Variants in GCLC observed in about 807,000 individuals in gnomAD.
The protein encoded by GCLC is glutamate--cysteine ligase catalytic subunit.
In GCLC, 30 loss-of-function variants were observed where a neutral mutation model predicts 81.5. The observed-to-expected ratio is 0.37, with a 90% CI of 0.28 to 0.50. The LOEUF (loss-of-function observed/expected upper bound fraction) is 0.50. Ranked by LOEUF, GCLC falls within the 20% of genes least tolerant of loss-of-function variation. GCLC has a pLI of 0.96. For missense variants in GCLC, 556 were observed against 777.4 expected, an observed-to-expected ratio of 0.72 and a Z score of 3.39; for synonymous variants, 262 against 273.3, an observed-to-expected ratio of 0.96 and a Z score of 0.41.
intron 1 of GCLC, among the ~76,000 whole-genome samples, chr6:53,541,887 G>A (rs377398042): frequency 1.3e-5 from 2 of 151,980 alleles, no homozygotes. Flanking sequence ...TTTGGGGTAG[G>A]GGGCTAGGGT....
intron 6 of GCLC, chr6:53,513,498 C>T (rs1041306225): frequency 1.3e-5 from 2 of 152,180 alleles, no homozygotes; most frequent in African/African-American, 4.8e-5. Flanking sequence ...GATGAAAAAT[C>T]TGAGCCAAAA....
intron 2 of GCLC, among the ~76,000 whole-genome samples, chr6:53,521,280 G>T (rs947921326): frequency 6.6e-6 from 1 of 152,078 alleles, no homozygotes; most frequent in East Asian, 1.9e-4. Context: ...TCAGCCTCCT[G>T]TGTAGCTGGG....
At chr6:53,528,683 T>C (rs1763124080) in intron 1 of GCLC, among the ~76,000 whole-genome samples, 1 of 152,216 alleles carries the variant, frequency 6.6e-6, no homozygotes, top group African/African-American at 2.4e-5. Flanking sequence ...TTTACACTTT[T>C]AGAAATTAAA....
chr6:53,500,958 C>T (rs1177149937), intron 12 of GCLC: 2 of 286,424 alleles, frequency 7.0e-6, no homozygotes, highest in Non-Finnish European at 1.3e-5. Flanking sequence ...CTCTGTTGCC[C>T]AGGTTGGAGT....
At position 53,544,998 on chromosome 6, in the gene GCLC, C is replaced by T. The variant is rs1763428296; in HGVS notation, c.-353G>A. On this transcript the variant is annotated 5_prime_UTR_variant, in exon 1 of 16. Coordinates refer to ENST00000650454, the MANE Select transcript of GCLC (RefSeq NM_001498.4). ...GGCCGCGCTGCCGCGGCGGCTCCCG[C>T]TTCTCTTTGCCGGTCTGGTGCACTG... 1.1e-5 allele frequency: 2 copies of T among 181,148 alleles called. No homozygotes were observed. The highest frequency in any genetic ancestry group is 2.3e-5 in the Non-Finnish European group (2 of 87,678). 11.2% of individuals were successfully genotyped at this position (181,148 alleles called of 1,614,324 possible).
intron 1 of GCLC, among the ~76,000 whole-genome samples, chr6:53,522,939 T>C (rs1763022967): frequency 6.6e-6 from 1 of 152,252 alleles, no homozygotes; most frequent in Admixed American, 6.5e-5. Flanking sequence ...CCAGTCAAGG[T>C]AGATTACACT....
rs1561936954 is a variant in GCLC, at chr6:53,500,185, T to C, written c.1582-20A>G. 6.2e-7 allele frequency: 1 copy of C among 1,613,888 alleles called. No individual in the cohort carries two copies. Among genetic ancestry groups the C allele is most frequent in the Non-Finnish European group, 8.5e-7 (1 of 1,179,884 alleles). ...ACCTTCCTACAAGAAGCAGGACACT[T>C]TATGAACTCCCTGCCGGGGGATGTG... On this transcript the variant is annotated intron_variant, in intron 14 of 15. Transcript: ENST00000650454.
chr6:53,512,615 C>T (rs921662235), intron 6 of GCLC, among the ~76,000 whole-genome samples: 3 of 151,684 alleles, frequency 2.0e-5, no homozygotes, highest in Non-Finnish European at 4.4e-5. Flanking sequence ...TCTGAGCTAA[C>T]GATTTTTTTT....
At chr6:53,523,307 G>A (rs866441556) in intron 1 of GCLC, 45 of 152,222 alleles carry the variant, frequency 3.0e-4, no homozygotes, top group African/African-American at 9.6e-4. Context: ...GGCGTGAGCA[G>A]TGAAGATTAT....
chr6:53,539,570 C>A (rs1421703753), intron 1 of GCLC, among the ~76,000 whole-genome samples: 1 of 152,070 alleles, frequency 6.6e-6, no homozygotes, highest in Non-Finnish European at 1.5e-5. Context: ...GGCAGCCTCT[C>A]CTTCCAACCA....
rs1763014965 is a variant in GCLC at position 53,522,434 on chromosome 6, C to T, written c.244G>A (p.Gly82Arg). 6.2e-7 allele frequency: 1 copy of T among 1,605,776 alleles called. No individual in the cohort carries two copies. Among genetic ancestry groups the T allele is most frequent in the Non-Finnish European group, 8.5e-7 (1 of 1,172,308 alleles). The change falls in exon 2 of 16, where the codon GGG (glycine) becomes AGG (arginine). Residue 82 changes from glycine (G) to arginine (R), a missense_variant. Gly to Arg is a moderately radical substitution (Grantham distance 125). This residue lies in a region of GCLC where 234 missense variants were observed against 303.8 expected (regional missense o/e 0.77). Transcript: ENST00000650454. Reference protein sequence around the residue: ...EKVLETLQEKGERTNPNHPTL... With the variant: ...EKVLETLQEKRERTNPNHPTL... ...GCTTACTTTGGGTTTGTCCTTTCCC[C>T]CTTCTCTTGCAGAGTTTCAAGAACT...
chr6:53,499,159 G>A (rs1451834016), intron 15 of GCLC, among the ~76,000 whole-genome samples, 192 bp from the exon 16 acceptor site: 1 of 152,136 alleles, frequency 6.6e-6, no homozygotes, highest in Non-Finnish European at 1.5e-5. Context: ...GGAATTCTAG[G>A]TTGCAGGCAG....
At chr6:53,542,256 T>C (rs760502366) in intron 1 of GCLC, among the ~76,000 whole-genome samples, 5 of 152,198 alleles carry the variant, frequency 3.3e-5, no homozygotes, top group Non-Finnish European at 5.9e-5. Flanking sequence ...GGGTCCAATT[T>C]TCTCTCCTTT....
rs1241304035 is a variant in GCLC, at chr6:53,498,221, CATCATAGAT to C, written c.*526_*534del. On this transcript the variant is annotated 3_prime_UTR_variant, in exon 16 of 16. Transcript: ENST00000650454. ...GTGATTATTCCAATTGCAAAAGAAA[CATCATAGAT>C]AAGGTGCTAGAAACCCAAGATTACC... is the stretch of plus-strand genomic sequence containing the variant. 1.6e-4 allele frequency: 25 copies of C among 154,624 alleles called. No individual in the cohort carries two copies. The highest frequency in any genetic ancestry group is 5.1e-4 in the Admixed American group (8 of 15,568). 9.6% of individuals were successfully genotyped at this position (154,624 alleles called of 1,614,324 possible). A position where few individuals can be genotyped will look rare whatever the true frequency, so the allele number is the denominator to read the frequency against.
rs535848119 is a variant in GCLC, at chr6:53,519,502, C to T, written c.446+1276G>A. Among the ~76,000 whole-genome samples the T allele has an allele frequency of 1.3e-3, 199 of 151,932 alleles. 1 individual carries two copies. Among genetic ancestry groups the T allele is most frequent in the African/African-American group, 4.3e-3 (179 of 41,406 alleles). On this transcript the variant is annotated intron_variant, in intron 3 of 15. Transcript: ENST00000650454. ...ATCTCCTCCTGCTAGCACAGCCCCA[C>T]TTTGACGCTTATGAATCTATGGGTA...
intron 12 of GCLC, among the ~76,000 whole-genome samples, chr6:53,504,648 G>A (rs1439200158): frequency 6.6e-6 from 1 of 152,094 alleles, no homozygotes; most frequent in Non-Finnish European, 1.5e-5. Flanking sequence ...CAGGGGGTGT[G>A]GGGATGAGCA....
chr6:53,537,214 C>T (rs905033035), intron 1 of GCLC, among the ~76,000 whole-genome samples: 1 of 152,172 alleles, frequency 6.6e-6, no homozygotes, highest in Non-Finnish European at 1.5e-5. Flanking sequence ...AAGTGCTCTC[C>T]CCCTCTCTCT....
At chr6:53,541,157 C>T (rs138867669) in intron 1 of GCLC, among the ~76,000 whole-genome samples, 15 of 152,036 alleles carry the variant, frequency 9.9e-5, no homozygotes, top group South Asian at 2.1e-4. Context: ...GCGGAGGTTG[C>T]GGTGAGCCGA....
chr6:53,520,140 T>C lies in GCLC; in HGVS notation c.446+638A>G, dbSNP rs117204772. Among the ~76,000 whole-genome samples the C allele has an allele frequency of 7.9e-5, 12 of 152,324 alleles. No individual in the cohort carries two copies. The East Asian group carries it at 2.3e-3, about 29-fold the overall frequency. Reference sequence around the variant, plus strand: ...GTTCTATGTATAATACATATGATATTCATGTACCTCATTCTAAGCGAAGAA... The same window carrying C: ...GTTCTATGTATAATACATATGATATCCATGTACCTCATTCTAAGCGAAGAA... On this transcript the variant is annotated intron_variant, in intron 3 of 15. Coordinates refer to ENST00000650454, the MANE Select transcript of GCLC (RefSeq NM_001498.4).
Sources: gnomAD v4.1 joint callset for allele counts (sites outside exome capture counted in the v4.1 genomes callset) on GRCh38, gnomAD v4.1.1 for gene constraint, gnomAD v4.1.1 regional missense constraint, MANE v1.5 for transcripts, NCBI Gene and HGNC (gene_info 2026-07-23, HGNC 2026-07-21) for gene names.